SMOC2: variants seen among roughly 807,000 people sequenced by gnomAD.
SMOC2 encodes the protein SPARC related modular calcium binding 2, also known as SPARC-related modular calcium-binding protein 2.
SMOC2 carries 39 observed loss-of-function variants against 61.4 expected under a neutral mutation model. The ratio of observed to expected loss-of-function variants is 0.64; its 90% CI spans 0.49 to 0.83. The LOEUF (loss-of-function observed/expected upper bound fraction) is 0.83, where lower values mean the gene tolerates loss of function less well. Ranked by LOEUF, SMOC2 falls within the 40% of genes least tolerant of loss-of-function variation. The pLI is 0.00. For missense variants in SMOC2, 556 were observed against 592.9 expected (o/e 0.94, Z 0.65); for synonymous variants, 247 against 239.9 (o/e 1.03, Z -0.27).
rs181639280 is a variant in SMOC2 at position 168,535,451 on chromosome 6, C to T, written c.463+7724C>T. Among the ~76,000 whole-genome samples the T allele has an allele frequency of 2.1e-3, 316 of 152,218 alleles. 2 individuals carry two copies. Among genetic ancestry groups the T allele is most frequent in the Non-Finnish European group, 3.2e-3 (215 of 68,022 alleles). On this transcript the variant is annotated intron_variant, in intron 4 of 12. Coordinates refer to ENST00000356284, the MANE Select transcript of SMOC2 (RefSeq NM_001166412.2). This position sits in a 1 kb window ranked among gnomAD's most constrained non-coding sequence, Gnocchi z 4.6. ...TGGCCCTTTAGCAAGAGTGATACAG[C>T]TGTACTCAGACATTTTTCTCCTGCC...
chr6:168,489,883 G>T (rs2115031420), intron 1 of SMOC2, among the ~76,000 whole-genome samples: 1 of 152,152 alleles, frequency 6.6e-6, no homozygotes, highest in African/African-American at 2.4e-5. Context: ...GTTTTAGAGT[G>T]AAATATATCG....
At chr6:168,634,982 A>G (rs946678389) in intron 9 of SMOC2, among the ~76,000 whole-genome samples, 1 of 152,232 alleles carries the variant, frequency 6.6e-6, no homozygotes, top group African/African-American at 2.4e-5. Flanking sequence ...CATTTAAACA[A>G]TGAGTTAGCA....
At chr6:168,463,121 C>T (rs963629797) in intron 1 of SMOC2, among the ~76,000 whole-genome samples, 1 of 152,216 alleles carries the variant, frequency 6.6e-6, no homozygotes, top group Non-Finnish European at 1.5e-5. Flanking sequence ...GTGACAGGGG[C>T]TCTGCTCCCA....
chr6:168,514,646 G>A (rs186470416), intron 2 of SMOC2, among the ~76,000 whole-genome samples: 2 of 152,326 alleles, frequency 1.3e-5, no homozygotes, highest in Non-Finnish European at 1.5e-5. Flanking sequence ...ACTCTTCAGA[G>A]AAGTTTTTAC....
At chr6:168,647,854 G>A (rs889875363) in intron 9 of SMOC2, among the ~76,000 whole-genome samples, 1 of 152,068 alleles carries the variant, frequency 6.6e-6, no homozygotes, top group South Asian at 2.1e-4. Flanking sequence ...CCAGGTCCTG[G>A]GGTGACTGTG....
At chr6:168,487,869 A>C (rs1782372263) in intron 1 of SMOC2, among the ~76,000 whole-genome samples, 1 of 152,190 alleles carries the variant, frequency 6.6e-6, no homozygotes, top group South Asian at 2.1e-4. Flanking sequence ...GTTCCCTTTT[A>C]AGTATTTTTT....
chr6:168,617,447 C>T (rs1400118978), intron 9 of SMOC2, among the ~76,000 whole-genome samples: 1 of 152,164 alleles, frequency 6.6e-6, no homozygotes, highest in Non-Finnish European at 1.5e-5. Flanking sequence ...CAGGGCACTG[C>T]ATTCGTGGAC....
chr6:168,479,104 G>A (rs113929701), intron 1 of SMOC2, among the ~76,000 whole-genome samples: 23 of 148,180 alleles, frequency 1.6e-4, no homozygotes, highest in African/African-American at 5.8e-4. Flanking sequence ...AAGGAGTCAG[G>A]AACGTTGAAT....
rs758482172 is a variant in SMOC2, at chr6:168,666,424, A to T, written c.1327A>T (p.Arg443Trp). 3 of 1,613,872 alleles carry T rather than the reference A, an allele frequency of 1.9e-6. No individual in the cohort carries two copies. In the South Asian group the frequency reaches 3.3e-5, roughly 18 times the overall value. ...HAESTSNRQP[R>W]KQG ...TTTTTTGTTTTTTCCTTTTCAGCCA[A>T]GGAAACAAGGATAAATGGCTCATAC... Residue 443 changes from arginine to tryptophan, a missense_variant, in exon 13 of 13, where the codon AGG becomes TGG. By Grantham distance (101) the Arg-to-Trp change is moderately radical (BLOSUM62 -3). Transcript: ENST00000356284.
chr6:168,521,110 CT>C (rs1043873762), intron 2 of SMOC2, among the ~76,000 whole-genome samples: 1 of 152,194 alleles, frequency 6.6e-6, no homozygotes, highest in African/African-American at 2.4e-5. Context: ...TTCATTTCTA[CT>C]TTGTAGTGAG....
intron 7 of SMOC2, among the ~76,000 whole-genome samples, chr6:168,571,115 C>A (rs558094319): frequency 6.6e-6 from 1 of 152,302 alleles, no homozygotes; most frequent in Admixed American, 6.5e-5. Context: ...CGAGCATGGA[C>A]CGCTGTGTGT....
chr6:168,610,263 C>T (rs1322283139), intron 9 of SMOC2, among the ~76,000 whole-genome samples: 1 of 152,218 alleles, frequency 6.6e-6, no homozygotes, highest in Non-Finnish European at 1.5e-5. Context: ...GCCCACACCT[C>T]AGACGAAAAC....
At chr6:168,660,845 G>A (rs1025803335) in intron 11 of SMOC2, among the ~76,000 whole-genome samples, 2 of 152,262 alleles carry the variant, frequency 1.3e-5, no homozygotes, top group Admixed American at 6.5e-5. Flanking sequence ...GGATTTTGGA[G>A]CACAGCGCGA....
intron 1 of SMOC2, among the ~76,000 whole-genome samples, chr6:168,506,276 T>C (rs1294994018): frequency 6.6e-6 from 1 of 152,154 alleles, no homozygotes; most frequent in African/African-American, 2.4e-5. Context: ...CCTCAGCAGA[T>C]CCTTCCATCT....
Position 168,638,838 on chromosome 6 carries a change from G to T in SMOC2, c.908-11843G>T, listed in dbSNP as rs538810158. On this transcript the variant is annotated intron_variant, in intron 9 of 12. Transcript: ENST00000356284. Reference sequence around the variant, plus strand: ...CCATTTGAGATTCAAGCCAGGAAAAGAATTCATAGTTAGACAGAGGGCTGA... The same window carrying T: ...CCATTTGAGATTCAAGCCAGGAAAATAATTCATAGTTAGACAGAGGGCTGA... 3.3e-5 allele frequency among the ~76,000 whole-genome samples: 5 copies of T among 152,268 alleles called. No individual in the cohort carries two copies. In the East Asian group the frequency reaches 9.7e-4, roughly 29 times the overall value.
rs1583179739 is a variant in SMOC2 at position 168,639,419 on chromosome 6, T to C, written c.908-11262T>C. 2.0e-5 allele frequency among the ~76,000 whole-genome samples: 3 copies of C among 152,316 alleles called. No individual in the cohort carries two copies. In the East Asian group the frequency reaches 5.8e-4, roughly 29 times the overall value. Reference sequence around the variant, plus strand: ...TTGAAATATGACCGTTGTACATGTTTTTGAGGCATGTGCTATTTTGATACC... The same window carrying C: ...TTGAAATATGACCGTTGTACATGTTCTTGAGGCATGTGCTATTTTGATACC... On this transcript the variant is annotated intron_variant, in intron 9 of 12. Coordinates refer to ENST00000356284, the MANE Select transcript of SMOC2 (RefSeq NM_001166412.2).
chr6:168,515,835 C>G (rs1562564860), intron 2 of SMOC2, among the ~76,000 whole-genome samples: 1 of 151,870 alleles, frequency 6.6e-6, no homozygotes, highest in Non-Finnish European at 1.5e-5. Context: ...CTGTTTCCCT[C>G]TAAGAGTATA....
In SMOC2 at chr6:168,544,002, A is replaced by C. The variant is rs1783935244; in HGVS notation, c.511+330A>C. Among the ~76,000 whole-genome samples the C allele has an allele frequency of 6.6e-6, 1 of 152,048 alleles. No homozygotes were observed. The highest frequency in any genetic ancestry group is 6.6e-5 in the Admixed American group (1 of 15,258). On this transcript the variant is annotated intron_variant, in intron 5 of 12. Transcript: ENST00000356284. The surrounding 1 kb of genome is among the most constrained non-coding windows in gnomAD (Gnocchi z 4.1). ...TATTTTGGCTCCCTGTGGGATTCTA[A>C]ACCATTGCAGTTATTGAGGACCCTG...
At chr6:168,661,270 C>G (rs9355075) in intron 11 of SMOC2, among the ~76,000 whole-genome samples, 1 of 152,174 alleles carries the variant, frequency 6.6e-6, no homozygotes, top group Admixed American at 6.6e-5. Context: ...TTTTTTTGTT[C>G]CCTATATTTT....
Sources: gnomAD v4.1 joint callset for allele counts (sites outside exome capture counted in the v4.1 genomes callset) on GRCh38, gnomAD v4.1.1 for gene constraint, Gnocchi (gnomAD v3.1) non-coding constraint, MANE v1.5 for transcripts, NCBI Gene and HGNC (gene_info 2026-07-23, HGNC 2026-07-21) for gene names.